The following CNR2 variants were observed in gnomAD, a reference collection of about 807,000 sequenced individuals.
CNR2 encodes the protein cannabinoid receptor 2 (macrophage).
For synonymous variants in CNR2, 172 were observed against 182.2 expected (o/e 0.94, Z 0.45); for missense variants, 379 against 439.9 (o/e 0.86, Z 1.24).
chr1:23,890,789 G>T (rs1452749480), intron 1 of CNR2, among the ~76,000 whole-genome samples: 2 of 149,884 alleles, frequency 1.3e-5, no homozygotes, highest in East Asian at 3.9e-4. Flanking sequence ...CTCTTGACCT[G>T]CTGCCCAGCT....
chr1:23,886,161 C>A (rs1179055894), intron 1 of CNR2, among the ~76,000 whole-genome samples: 2 of 143,080 alleles, frequency 1.4e-5, no homozygotes, highest in African/African-American at 5.3e-5. Flanking sequence ...TGCACTCCAG[C>A]CTGGGTGACA....
intron 1 of CNR2, among the ~76,000 whole-genome samples, chr1:23,909,191 G>C (rs1640545690): frequency 1.3e-5 from 2 of 152,094 alleles, no homozygotes; most frequent in African/African-American, 4.8e-5. Flanking sequence ...CCACTATGCA[G>C]TTCCTCCCCC....
At chr1:23,901,975 G>A (rs896818409) in intron 1 of CNR2, 3 of 1,604,880 alleles carry the variant, frequency 1.9e-6, no homozygotes, top group Non-Finnish European at 1.7e-6. Context: ...GGGGCTTGTT[G>A]GTGGCCGTGT....
At chr1:23,903,008 C>T (rs1640428836) in intron 1 of CNR2, among the ~76,000 whole-genome samples, 2 of 151,804 alleles carry the variant, frequency 1.3e-5, no homozygotes, top group South Asian at 4.2e-4. Flanking sequence ...AGCGGCTCTG[C>T]AAGCAAAAGC....
chr1:23,891,275 T>TTGTGTGTGTG (rs57856234), intron 1 of CNR2, among the ~76,000 whole-genome samples: 17,558 of 150,200 alleles, frequency 0.12, 1,112 homozygotes, highest in East Asian at 0.27. Context: ...ACCAAATCTT[T>TTGTGTGTGTG]TGTGTGTGTG....
intron 1 of CNR2, among the ~76,000 whole-genome samples, chr1:23,909,201 C>G (rs1290265749): frequency 6.6e-6 from 1 of 152,140 alleles, no homozygotes; most frequent in African/African-American, 2.4e-5. Flanking sequence ...GTTCCTCCCC[C>G]ATTAATCTGG....
At chr1:23,902,543 G>A (rs1196671559) in intron 1 of CNR2, 48 of 1,608,404 alleles carry the variant, frequency 3.0e-5, no homozygotes, top group Non-Finnish European at 3.8e-5. Flanking sequence ...CGGGCTCCAC[G>A]TCTGGAATGT....
At chr1:23,902,496 TCACTGTA>T in intron 1 of CNR2, 7 of 1,606,976 alleles carry the variant, frequency 4.4e-6, no homozygotes, top group Non-Finnish European at 6.0e-6. Flanking sequence ...ATCGATCTCA[TCACTGTA>T]CACGTACTTT....
rs1639798756 is a variant in CNR2 at position 23,873,336 on chromosome 1, A to G, written c.*1199T>C. On this transcript the variant is annotated 3_prime_UTR_variant, in exon 2 of 2. Coordinates refer to ENST00000374472, the MANE Select transcript of CNR2 (RefSeq NM_001841.3). ...CTGCAACCTCTGCCTCCAGGGTTCA[A>G]GCAATTCTCCTGTCTCAGCCTCCCG... 6.6e-6 allele frequency: 1 copy of G among 152,238 alleles called. No individual in the cohort carries two copies. The highest frequency in any genetic ancestry group is 1.5e-5 in the Non-Finnish European group (1 of 68,084). 9.4% of individuals were successfully genotyped at this position (152,238 alleles called of 1,614,324 possible).
intron 1 of CNR2, among the ~76,000 whole-genome samples, chr1:23,895,217 A>G (rs1258192345): frequency 6.6e-6 from 1 of 151,536 alleles, no homozygotes; most frequent in Non-Finnish European, 1.5e-5. Flanking sequence ...CAAAACTCAG[A>G]AAAAAAAAGA....
intron 1 of CNR2, among the ~76,000 whole-genome samples, chr1:23,882,533 C>T (rs1022666442): frequency 3.3e-5 from 5 of 151,286 alleles, no homozygotes; most frequent in Admixed American, 2.6e-4. Flanking sequence ...CTATCAGGTG[C>T]GGTGGCTTAC....
At chr1:23,902,592 A>T in intron 1 of CNR2, 1 of 1,605,978 alleles carries the variant, frequency 6.2e-7, no homozygotes, top group East Asian at 2.2e-5. Flanking sequence ...CCAGTAGAAC[A>T]TGGCATAGAA....
chr1:23,896,501 C>T lies in CNR2; in HGVS notation c.-46+16745G>A, dbSNP rs147502991. On this transcript the variant is annotated intron_variant, in intron 1 of 1. Coordinates refer to ENST00000374472, the MANE Select transcript of CNR2 (RefSeq NM_001841.3). ...CCATGAATGGCAGCTTATATAGATGCTATATATGTGAACACATTAGAGCTT... is the reference window on the plus strand; with the variant it reads ...CCATGAATGGCAGCTTATATAGATGTTATATATGTGAACACATTAGAGCTT... Among the ~76,000 whole-genome samples, 754 of 152,306 alleles carry T rather than the reference C, an allele frequency of 5.0e-3. 7 individuals carry two copies. The highest frequency in any genetic ancestry group is 7.6e-3 in the Admixed American group (117 of 15,298).
At chr1:23,883,389 A>G (rs1640026898) in intron 1 of CNR2, among the ~76,000 whole-genome samples, 1 of 152,236 alleles carries the variant, frequency 6.6e-6, no homozygotes, top group Non-Finnish European at 1.5e-5. Flanking sequence ...AGGCATGTAC[A>G]AGAATGTTCT....
intron 1 of CNR2, among the ~76,000 whole-genome samples, chr1:23,894,955 C>T (rs1261984127): frequency 6.6e-6 from 1 of 152,050 alleles, no homozygotes; most frequent in Non-Finnish European, 1.5e-5. Context: ...CATGGTGGCT[C>T]ACACCTCTAA....
In CNR2 at chr1:23,872,902, T is replaced by C. The variant is rs935223663; in HGVS notation, c.*1633A>G. The C allele has an allele frequency of 1.3e-5, 2 of 152,212 alleles. No homozygotes were observed. The highest frequency in any genetic ancestry group is 4.8e-5 in the African/African-American group (2 of 41,448). The allele number at this position is 152,212 out of a possible 1,614,324, so 9.4% of individuals were successfully genotyped here. The stretch of plus-strand genomic sequence containing the variant: ...TGTAATTATCTTCTTTATTGACTTA[T>C]TGGCTGTCTTGCAAGCAGGATATAG... On this transcript the variant is annotated 3_prime_UTR_variant, in exon 2 of 2. Coordinates refer to ENST00000374472, the MANE Select transcript of CNR2 (RefSeq NM_001841.3).
chr1:23,891,635 A>AGAAAG (rs1553141354), intron 1 of CNR2, among the ~76,000 whole-genome samples: 1 of 131,012 alleles, frequency 7.6e-6, no homozygotes, highest in Non-Finnish European at 1.6e-5. Flanking sequence ...AAAAAAAAAA[A>AGAAAG]AAAGCCCAAA....
chr1:23,891,934 G>A (rs1640199410), intron 1 of CNR2, among the ~76,000 whole-genome samples: 2 of 152,126 alleles, frequency 1.3e-5, no homozygotes, highest in Admixed American at 1.3e-4. Context: ...AGCCAGAGCT[G>A]AGCAAAACAG....
rs900917016 is a variant in CNR2 at position 23,902,708 on chromosome 1, C to G, written c.-46+10538G>C. 16 of 1,589,238 alleles carry G rather than the reference C, an allele frequency of 1.0e-5. No homozygotes were observed. In the African/African-American group the frequency reaches 2.1e-4, roughly 21 times the overall value. On this transcript the variant is annotated intron_variant, in intron 1 of 1. Coordinates refer to ENST00000374472, the MANE Select transcript of CNR2 (RefSeq NM_001841.3). ...CGTCGGCCACGAGCTCGTTGTTGAA[C>G]ATGAGCGCGTTCCTCTCGCGCAGCG...
Sources: allele counts gnomAD v4.1 joint callset (sites outside exome capture counted in the v4.1 genomes callset), GRCh38; gene constraint gnomAD v4.1.1; transcripts MANE v1.5; gene names NCBI Gene and HGNC (gene_info 2026-07-23, HGNC 2026-07-21).